Variants in KRT19 observed in about 807,000 individuals in gnomAD.
KRT19 encodes the protein keratin, type I cytoskeletal 19.
KRT19 carries 21 observed loss-of-function variants against 34.6 expected under a neutral mutation model. The observed-to-expected ratio is 0.61, with a 90% CI of 0.43 to 0.87. The LOEUF is 0.87. KRT19 is among the 40% of genes least tolerant of loss of function. The pLI, the probability that KRT19 is intolerant of heterozygous loss-of-function variation, is 0.00. For synonymous variants in KRT19, 240 were observed against 245.8 expected, an observed-to-expected ratio of 0.98 and a Z score of 0.22; for missense variants, 514 against 545.7, an observed-to-expected ratio of 0.94 and a Z score of 0.58.
chr17:41,526,470 A>G (rs1905868858), intron 1 of KRT19, among the ~76,000 whole-genome samples: 1 of 143,894 alleles, frequency 6.9e-6, no homozygotes. Context: ...TTTTTGATAC[A>G]GGGTCTCGCT....
chr17:41,525,107 C>T (rs1012417790), intron 2 of KRT19, 84 bp downstream of exon 2: 45 of 1,567,880 alleles, frequency 2.9e-5, no homozygotes, highest in Non-Finnish European at 3.9e-5. Context: ...TTCAGGCCAT[C>T]TAGGCTAGGT....
intron 1 of KRT19, 44 bp from the exon 2 acceptor site, chr17:41,525,317 C>G: frequency 7.5e-7 from 1 of 1,326,816 alleles, no homozygotes; most frequent in Middle Eastern, 1.8e-4. Context: ...AACACACAGG[C>G]ACTGCCCACT....
rs544956433 is a variant in KRT19, at chr17:41,523,631, A to G, written c.*112T>C. ...AACGTCCTTCCTCCCTTGGACCATA[A>G]ATTTTTATTGGCAGGTCAGGAGAAG... On this transcript the variant is annotated 3_prime_UTR_variant, in exon 6 of 6. Coordinates refer to ENST00000361566, the MANE Select transcript of KRT19 (RefSeq NM_002276.5). 2.9e-4 allele frequency: 314 copies of G among 1,087,040 alleles called. 4 individuals carry two copies. The South Asian group carries it at 3.7e-3, about 13-fold the overall frequency. 67.3% of individuals were successfully genotyped at this position (1,087,040 alleles called of 1,614,324 possible). A position where few individuals can be genotyped will look rare whatever the true frequency, so the allele number is the denominator to read the frequency against.
At position 41,528,112 on chromosome 17, in the gene KRT19, A is replaced by G. The variant is rs377642975; in HGVS notation, c.136T>C (p.Ser46Pro). The G allele has an allele frequency of 2.6e-5, 42 of 1,609,052 alleles. 1 individual carries two copies. The highest frequency in any genetic ancestry group is 1.6e-4 in the East Asian group (7 of 44,828). ...IHGGSGGRGV[S>P]VSSARFVSSS... ...GACACAAAGCGGGCGGAGGACACGGATACGCCGCGGCCGCCGGAGCCCCCG... is the reference window on the plus strand; with the variant it reads ...GACACAAAGCGGGCGGAGGACACGGGTACGCCGCGGCCGCCGGAGCCCCCG... The change falls in exon 1 of 6, where the codon TCC becomes CCC. Residue 46 changes from serine (S) to proline (P), a missense_variant. Transcript: ENST00000361566.
At chr17:41,525,471 A>G (rs1905831477) in intron 1 of KRT19, 198 bp from the exon 2 acceptor site, 2 of 572,632 alleles carry the variant, frequency 3.5e-6, no homozygotes, top group African/African-American at 3.7e-5. Context: ...TGGGGCAGGA[A>G]GAAAACTGGA....
rs543352233 is a variant in KRT19, at chr17:41,525,282, C to G, written c.421-9G>C. 1.2e-6 allele frequency: 2 copies of G among 1,605,646 alleles called. No homozygotes were observed. The highest frequency in any genetic ancestry group is 4.5e-5 in the East Asian group (2 of 44,832). ...ATGGTGGCACCAAGAATCTGGAAGG[C>G]AGAGGCAGAGGTTGGTACCAGTTCA... On this transcript the variant is annotated splice_polypyrimidine_tract_variant and intron_variant, in intron 1 of 5. Coordinates refer to ENST00000361566, the MANE Select transcript of KRT19 (RefSeq NM_002276.5).
intron 2 of KRT19, 84 bp downstream of exon 2, chr17:41,525,107 C>A: frequency 6.4e-7 from 1 of 1,567,994 alleles, no homozygotes; most frequent in East Asian, 2.2e-5. Context: ...TTCAGGCCAT[C>A]TAGGCTAGGT....
At chr17:41,525,625 C>T (rs1045216484) in intron 1 of KRT19, 3 of 258,506 alleles carry the variant, frequency 1.2e-5, no homozygotes, top group East Asian at 1.9e-4. Flanking sequence ...CTGCCCCCCC[C>T]ACTATGCGAA....
chr17:41,524,253 G>T lies in KRT19; in HGVS notation c.838C>A (p.Arg280=), dbSNP rs745779349. 1.6e-5 allele frequency: 26 copies of T among 1,613,850 alleles called. No individual in the cohort carries two copies. The African/African-American group carries it at 2.7e-4, about 17-fold the overall frequency. ...WFTSRTEELN[R]EVAGHTEQLQ... ...TGCTCCGTGTGGCCAGCGACCTCCC[G>T]GTTCAATTCTTCAGTCTGCAGAGAG... is the stretch of plus-strand genomic sequence containing the variant. Residue 280 remains arginine, a synonymous_variant, in exon 5 of 6, where the codon CGG becomes AGG. Transcript: ENST00000361566.
rs1275046546 is a variant in KRT19, at chr17:41,523,800, G to C, written c.1146C>G (p.Ser382Arg). 2 of 1,613,766 alleles carry C rather than the reference G, an allele frequency of 1.2e-6. No individual in the cohort carries two copies. The highest frequency in any genetic ancestry group is 2.7e-5 in the African/African-American group (2 of 74,924). ...RLEQEIATYR[S>R]LLEGQEDHYN... ...AGTGATCTTCCTGTCCCTCGAGCAGGCTGCGGTAGGTGGCAATCTCCTGCT... is the reference window on the plus strand; with the variant it reads ...AGTGATCTTCCTGTCCCTCGAGCAGCCTGCGGTAGGTGGCAATCTCCTGCT... The change falls in exon 6 of 6, where the codon AGC (serine) becomes AGG (arginine). Residue 382 changes from serine to arginine, a missense_variant. Ser to Arg is a moderately radical substitution (Grantham distance 110). Coordinates refer to ENST00000361566, the MANE Select transcript of KRT19 (RefSeq NM_002276.5).
chr17:41,524,982 G>A lies in KRT19; in HGVS notation c.521C>T (p.Ala174Val), dbSNP rs1905810704. 1.2e-6 allele frequency: 2 copies of A among 1,614,062 alleles called. No homozygotes were observed. The highest frequency in any genetic ancestry group is 1.7e-6 in the Non-Finnish European group (2 of 1,179,908). ...DFRTKFETEQ[A>V]LRMSVEADIN... Reference sequence around the variant, plus strand: ...GTCGGCCTCCACGCTCATGCGCAGAGCCTGTTCCGTCTCAAACCTTTCAAA... The same window carrying A: ...GTCGGCCTCCACGCTCATGCGCAGAACCTGTTCCGTCTCAAACCTTTCAAA... The change falls in exon 3 of 6, where the codon GCT (alanine) becomes GTT (valine). Residue 174 changes from alanine (A) to valine (V), a missense_variant. Coordinates refer to ENST00000361566, the MANE Select transcript of KRT19 (RefSeq NM_002276.5).
At position 41,527,950 on chromosome 17, in the gene KRT19, C is replaced by T. The variant is rs374919583; in HGVS notation, c.298G>A (p.Ala100Thr). The T allele has an allele frequency of 7.4e-6, 12 of 1,613,660 alleles. No individual in the cohort carries two copies. In the African/African-American group the frequency reaches 1.5e-4, roughly 20 times the overall value. ...RLASYLDKVR[A>T]LEAANGELEV... Reference sequence around the variant, plus strand: ...AGCTCGCCGTTGGCCGCCTCCAGGGCGCGCACCTTGTCCAGGTAGGAGGCC... The same window carrying T: ...AGCTCGCCGTTGGCCGCCTCCAGGGTGCGCACCTTGTCCAGGTAGGAGGCC... Residue 100 changes from alanine (A) to threonine (T), a missense_variant, in exon 1 of 6, where the codon GCC (alanine) becomes ACC (threonine). Transcript: ENST00000361566.
At position 41,527,904 on chromosome 17, in the gene KRT19, C is replaced by G. The variant is rs777238847; in HGVS notation, c.344G>C (p.Trp115Ser). 14 of 1,613,638 alleles carry G rather than the reference C, an allele frequency of 8.7e-6. No individual in the cohort carries two copies. The Admixed American group carries it at 2.3e-4, about 27-fold the overall frequency. Residue 115 changes from tryptophan to serine, a missense_variant, in exon 1 of 6, where the codon TGG becomes TCG. By Grantham distance (177) the Trp-to-Ser change is radical. Coordinates refer to ENST00000361566, the MANE Select transcript of KRT19 (RefSeq NM_002276.5). ...GGGCCCAGGCCCCTGCTTCTGGTACCAGTCGCGGATCTTCACCTCTAGCTC... is the reference window on the plus strand; with the variant it reads ...GGGCCCAGGCCCCTGCTTCTGGTACGAGTCGCGGATCTTCACCTCTAGCTC... Reference protein sequence around the residue: ...NGELEVKIRDWYQKQGPGPSR... With the variant: ...NGELEVKIRDSYQKQGPGPSR...
Position 41,523,875 on chromosome 17 carries a change from C to T in KRT19, c.1071G>A (p.Glu357=). Residue 357 remains glutamate, a synonymous_variant, in exon 6 of 6, where the codon GAG becomes GAA. Transcript: ENST00000361566. ...GCCGCTGGTACTCCTGATTCTGCCG[C>T]TCACTATCAGCTCGCACATCGCCCA... ...AQLGDVRADS[E]RQNQEYQRLM... 2 of 1,614,112 alleles carry T rather than the reference C, an allele frequency of 1.2e-6. No homozygotes were observed. The highest frequency in any genetic ancestry group is 1.7e-6 in the Non-Finnish European group (2 of 1,180,044).
chr17:41,526,187 G>A (rs1351828867), intron 1 of KRT19, among the ~76,000 whole-genome samples: 1 of 152,080 alleles, frequency 6.6e-6, no homozygotes, highest in Non-Finnish European at 1.5e-5. Context: ...TGTTAGCCAG[G>A]ATGGTCTGGA....
In KRT19 at chr17:41,528,028, C is replaced by G. The variant is rs768328714; in HGVS notation, c.220G>C (p.Gly74Arg). 2 of 1,612,620 alleles carry G rather than the reference C, an allele frequency of 1.2e-6. No homozygotes were observed. The highest frequency in any genetic ancestry group is 1.7e-6 in the Non-Finnish European group (2 of 1,179,732). ...GYGGVLTASD[G>R]LLAGNEKLTM... ...AGCTTCTCGTTGCCCGCCAGCAGCC[C>G]GTCGGACGCGGTCAGGACGCCGCCG... Residue 74 changes from glycine to arginine, a missense_variant, in exon 1 of 6, where the codon GGG (glycine) becomes CGG (arginine). By Grantham distance (125) the Gly-to-Arg change is moderately radical. Coordinates refer to ENST00000361566, the MANE Select transcript of KRT19 (RefSeq NM_002276.5).
At chr17:41,526,562 C>CTT (rs60030898) in intron 1 of KRT19, among the ~76,000 whole-genome samples, 38,563 of 72,002 alleles carry the variant, frequency 0.54, 16,490 homozygotes, top group East Asian at 0.77. Flanking sequence ...AAGCTAATTC[C>CTT]TTTTTTTTTT....
In KRT19 at chr17:41,527,601, T is replaced by A. The variant is rs182215453; in HGVS notation, c.420+227A>T. 7.7e-4 allele frequency among the ~76,000 whole-genome samples: 118 copies of A among 152,260 alleles called. 1 individual carries two copies. The highest frequency in any genetic ancestry group is 5.9e-5 in the Non-Finnish European group (4 of 68,004). The stretch of plus-strand genomic sequence containing the variant: ...CACCTCCAGAGGCCCCACCCACTTA[T>A]CTGCCCTGCCCAGTTCTCCTCCCCT... On this transcript the variant is annotated intron_variant, in intron 1 of 5. Coordinates refer to ENST00000361566, the MANE Select transcript of KRT19 (RefSeq NM_002276.5).
rs550787060 is a variant in KRT19, at chr17:41,527,764, G to A, written c.420+64C>T. 13 of 1,494,494 alleles carry A rather than the reference G, an allele frequency of 8.7e-6. No homozygotes were observed. In the Admixed American group the frequency reaches 3.0e-4, roughly 34 times the overall value. 92.6% of individuals were successfully genotyped at this position (1,494,494 alleles called of 1,614,324 possible). A position where few individuals can be genotyped will look rare whatever the true frequency, so the allele number is the denominator to read the frequency against. ...CGCCGCCCCGCCTGGAACCTCGCCCGGCCCGCGGGGCTGGGTTTCCGCGGC... is the reference window on the plus strand; with the variant it reads ...CGCCGCCCCGCCTGGAACCTCGCCCAGCCCGCGGGGCTGGGTTTCCGCGGC... On this transcript the variant is annotated intron_variant, in intron 1 of 5. Coordinates refer to ENST00000361566, the MANE Select transcript of KRT19 (RefSeq NM_002276.5).
Sources: gnomAD v4.1 joint callset for allele counts (sites outside exome capture counted in the v4.1 genomes callset) on GRCh38, gnomAD v4.1.1 for gene constraint, MANE v1.5 for transcripts, NCBI Gene and HGNC (gene_info 2026-07-23, HGNC 2026-07-21) for gene names.